The following GRID2 variants were observed in gnomAD, a reference collection of about 807,000 sequenced individuals.
The protein encoded by GRID2 is glutamate ionotropic receptor delta type subunit 2, also known as glutamate receptor ionotropic, delta-2.
A neutral mutation model predicts 114.8 loss-of-function variants in GRID2; 33 were observed. That is an observed-to-expected ratio of 0.29 (90% confidence interval 0.22 to 0.38). GRID2 has a LOEUF of 0.38. GRID2 is among the 10% of genes least tolerant of loss of function. The pLI, the probability that GRID2 is intolerant of heterozygous loss-of-function variation, is 1.00. For synonymous variants in GRID2, 505 were observed against 449.9 expected, an observed-to-expected ratio of 1.12 and a Z score of -1.55; for missense variants, 1,184 against 1,257.7, an observed-to-expected ratio of 0.94 and a Z score of 0.89.
At chr4:93,397,737 T>G (rs1765472304) in intron 9 of GRID2, among the ~76,000 whole-genome samples, 1 of 151,934 alleles carries the variant, frequency 6.6e-6, no homozygotes, top group South Asian at 2.1e-4. Context: ...ATTCTTAAGT[T>G]TCTGATATAA....
intron 2 of GRID2, among the ~76,000 whole-genome samples, chr4:92,842,065 A>G (rs1167644909): frequency 1.3e-5 from 2 of 152,226 alleles, no homozygotes; most frequent in East Asian, 1.9e-4. Flanking sequence ...TCTAGGTGTC[A>G]TCTCTCTAAA....
At chr4:93,261,005 A>G (rs1750192335) in intron 8 of GRID2, among the ~76,000 whole-genome samples, 1 of 151,822 alleles carries the variant, frequency 6.6e-6, no homozygotes, top group Non-Finnish European at 1.5e-5. Flanking sequence ...AGAGTAAGGA[A>G]TAATCAGTAG....
chr4:92,960,381 G>A (rs1752721667), intron 2 of GRID2, among the ~76,000 whole-genome samples: 1 of 151,906 alleles, frequency 6.6e-6, no homozygotes, highest in East Asian at 1.9e-4. Flanking sequence ...AAATATAATA[G>A]CAGGTTTATC....
chr4:92,806,252 T>A (rs1740411594), intron 2 of GRID2, among the ~76,000 whole-genome samples: 1 of 150,364 alleles, frequency 6.7e-6, no homozygotes, highest in South Asian at 2.1e-4. Flanking sequence ...CCTTAAGAGA[T>A]TCCATTCACT....
At chr4:93,064,722 A>C (rs1560841059) in intron 2 of GRID2, among the ~76,000 whole-genome samples, 1 of 151,928 alleles carries the variant, frequency 6.6e-6, no homozygotes, top group Admixed American at 6.6e-5. Context: ...CTTGAAAGGA[A>C]ATGAAATTGG....
chr4:93,369,238 T>C (rs537456452), intron 8 of GRID2, among the ~76,000 whole-genome samples: 42 of 152,266 alleles, frequency 2.8e-4, no homozygotes, highest in African/African-American at 9.6e-4. Context: ...TCTGCCTCCA[T>C]GGCCATGTTG....
chr4:92,400,618 C>T (rs1317611481), intron 1 of GRID2, among the ~76,000 whole-genome samples: 1 of 152,086 alleles, frequency 6.6e-6, no homozygotes, highest in African/African-American at 2.4e-5. Context: ...CCTTACCTTA[C>T]ACCTGGGAGT....
At chr4:93,134,103 C>A (rs550541243) in intron 4 of GRID2, among the ~76,000 whole-genome samples, 1 of 152,120 alleles carries the variant, frequency 6.6e-6, no homozygotes, top group Non-Finnish European at 1.5e-5. Context: ...CAATATATGT[C>A]ATTGAAAGGC....
chr4:92,930,797 A>C lies in GRID2; in HGVS notation c.245-154198A>C, dbSNP rs1237484439. 2.0e-5 allele frequency among the ~76,000 whole-genome samples: 3 copies of C among 151,152 alleles called. No individual in the cohort carries two copies. In the East Asian group the frequency reaches 5.8e-4, roughly 29 times the overall value. ...AATTGTTAACTTTCATTTGAAATAAAATTTAACTTAGCAAAACTAACAAGA... is the reference window on the plus strand; with the variant it reads ...AATTGTTAACTTTCATTTGAAATAACATTTAACTTAGCAAAACTAACAAGA... On this transcript the variant is annotated intron_variant, in intron 2 of 15. Transcript: ENST00000282020.
intron 1 of GRID2, among the ~76,000 whole-genome samples, chr4:92,481,627 G>A (rs767535023): frequency 1.3e-5 from 2 of 152,022 alleles, no homozygotes; most frequent in Non-Finnish European, 2.9e-5. Context: ...ATAGATTAAA[G>A]TTAGGTAGTG....
At chr4:92,671,155 G>A (rs902964223) in intron 2 of GRID2, among the ~76,000 whole-genome samples, 2 of 152,018 alleles carry the variant, frequency 1.3e-5, no homozygotes, top group South Asian at 2.1e-4. Flanking sequence ...AATCATGGTC[G>A]AAGGTGAAAG....
intron 2 of GRID2, among the ~76,000 whole-genome samples, chr4:92,957,316 A>C (rs931017812): frequency 5.9e-5 from 9 of 152,012 alleles, no homozygotes; most frequent in Non-Finnish European, 1.2e-4. Context: ...ATTCACTTCA[A>C]GTTAATTTTT....
chr4:92,793,697 A>G (rs1008187856), intron 2 of GRID2, among the ~76,000 whole-genome samples: 35 of 151,876 alleles, frequency 2.3e-4, no homozygotes, highest in African/African-American at 8.5e-4. Flanking sequence ...GTGTTTTGGG[A>G]GTATTTGAGC....
At chr4:93,210,135 G>C (rs1743283446) in intron 5 of GRID2, among the ~76,000 whole-genome samples, 1 of 151,820 alleles carries the variant, frequency 6.6e-6, no homozygotes, top group Non-Finnish European at 1.5e-5. Flanking sequence ...TGCTTTTGTT[G>C]CAATTGCTTT....
chr4:92,822,185 C>T (rs1417532231), intron 2 of GRID2: 2 of 432,792 alleles, frequency 4.6e-6, no homozygotes, highest in South Asian at 1.9e-5. Flanking sequence ...TAGCGCAGAA[C>T]CAGTAGCAGT....
At chr4:92,803,958 C>T (rs1024496087) in intron 2 of GRID2, among the ~76,000 whole-genome samples, 1 of 151,914 alleles carries the variant, frequency 6.6e-6, no homozygotes, top group Admixed American at 6.6e-5. Context: ...TTCTGGTAGC[C>T]CCTAGCATTT....
chr4:92,350,984 G>A (rs548031287), intron 1 of GRID2, among the ~76,000 whole-genome samples: 49 of 151,828 alleles, frequency 3.2e-4, no homozygotes, highest in African/African-American at 1.0e-3. Context: ...AAGTTCATCC[G>A]TTATGTAGCA....
At chr4:92,846,988 C>T (rs1743374032) in intron 2 of GRID2, among the ~76,000 whole-genome samples, 1 of 152,036 alleles carries the variant, frequency 6.6e-6, no homozygotes, top group South Asian at 2.1e-4. Flanking sequence ...AATAGAGCCT[C>T]CCACCAGTGG....
At chr4:92,740,038 T>C (rs1445065906) in intron 2 of GRID2, among the ~76,000 whole-genome samples, 1 of 152,168 alleles carries the variant, frequency 6.6e-6, no homozygotes, top group Non-Finnish European at 1.5e-5. Flanking sequence ...TAGAATAATA[T>C]ATCAAATCCA....
Sources: allele counts gnomAD v4.1 joint callset (sites outside exome capture counted in the v4.1 genomes callset), GRCh38; gene constraint gnomAD v4.1.1; transcripts MANE v1.5; gene names NCBI Gene and HGNC (gene_info 2026-07-23, HGNC 2026-07-21).